PLCE1: variants seen among roughly 807,000 people sequenced by gnomAD.
PLCE1 encodes 1-phosphatidylinositol 4,5-bisphosphate phosphodiesterase epsilon-1.
In PLCE1, 119 loss-of-function variants were observed where a neutral mutation model predicts 242.8. That is an observed-to-expected ratio of 0.49 (90% CI 0.42 to 0.57). The LOEUF is 0.57. Among genes scored for constraint, PLCE1 ranks in the 20% least tolerant of loss-of-function variants. The probability of loss-of-function intolerance (pLI) is 0.00; values close to 1 mark genes in which losing one functional copy is unlikely to be tolerated. For synonymous variants in PLCE1, 945 were observed against 1,017.4 expected, an observed-to-expected ratio of 0.93 and a Z score of 1.35; for missense variants, 2,441 against 2,788.8, an observed-to-expected ratio of 0.88 and a Z score of 2.81.
intron 5 of PLCE1, 128 bp downstream of exon 5, chr10:94,227,579 T>C (rs2049991087): frequency 1.1e-6 from 1 of 910,698 alleles, no homozygotes; most frequent in African/African-American, 1.6e-5. Context: ...ACTTGGGAAA[T>C]GTATTATCTT....
Position 94,246,153 on chromosome 10 carries a change from C to G in PLCE1, c.2628C>G (p.Leu876=). 1 of 1,614,136 alleles carries G rather than the reference C, an allele frequency of 6.2e-7. No individual in the cohort carries two copies. The highest frequency in any genetic ancestry group is 2.2e-5 in the East Asian group (1 of 44,850). ...TCCACTACGACCAGGACACACACCT[C>G]TCTGCCCGCTGCTTCCTCCAGCTTC... ...TVIHYDQDTH[L]SARCFLQLQP... The change falls in exon 8 of 33, where the codon CTC becomes CTG. Residue 876 remains leucine (L), a synonymous_variant. Transcript: ENST00000371380.
chr10:94,309,029 T>C lies in PLCE1; in HGVS notation c.6003+330T>C, dbSNP rs1439201131. Among the ~76,000 whole-genome samples, 3 of 152,206 alleles carry C rather than the reference T, an allele frequency of 2.0e-5. No individual in the cohort carries two copies. The East Asian group carries it at 5.8e-4, about 29-fold the overall frequency. On this transcript the variant is annotated intron_variant, in intron 27 of 32. Coordinates refer to ENST00000371380, the MANE Select transcript of PLCE1 (RefSeq NM_016341.4). Reference sequence around the variant, plus strand: ...CAGTAACAAAGCCCATATATTACAGTGTCTATCAGGGAAGTAAGCCAAATA... The same window carrying C: ...CAGTAACAAAGCCCATATATTACAGCGTCTATCAGGGAAGTAAGCCAAATA...
chr10:94,215,070 C>CA (rs967217107), intron 4 of PLCE1, among the ~76,000 whole-genome samples: 2 of 152,112 alleles, frequency 1.3e-5, no homozygotes, highest in Admixed American at 6.6e-5. Context: ...AGTCATGGAC[C>CA]AAACTGCCCA....
intron 27 of PLCE1, 140 bp from the exon 28 acceptor site, chr10:94,313,114 C>G: frequency 1.1e-6 from 1 of 883,766 alleles, no homozygotes; most frequent in South Asian, 1.4e-5. Context: ...CCATTTGTAG[C>G]ACTAGGCTAC....
intron 4 of PLCE1, among the ~76,000 whole-genome samples, chr10:94,183,583 C>G (rs2048377521): frequency 6.6e-6 from 1 of 152,214 alleles, no homozygotes; most frequent in Admixed American, 6.5e-5. Flanking sequence ...GATTGATTTA[C>G]TCTTTCCTCA....
rs1003035178 is a variant in PLCE1, at chr10:94,100,368, T to C, written c.1207-31806T>C. On this transcript the variant is annotated intron_variant, in intron 2 of 32. Coordinates refer to ENST00000371380, the MANE Select transcript of PLCE1 (RefSeq NM_016341.4). ...ACAGAGTTAGGCTGCTAAAGTGACA[T>C]AGTGAAAATGTTCTCAAGGGTTCCC... 9 of 152,040 alleles carry C rather than the reference T, an allele frequency of 5.9e-5. No homozygotes were observed. In the East Asian group the frequency reaches 9.6e-4, roughly 16 times the overall value. 9.4% of individuals were successfully genotyped at this position (152,040 alleles called of 1,614,324 possible).
intron 2 of PLCE1, among the ~76,000 whole-genome samples, chr10:94,118,543 T>G (rs2046205470): frequency 6.6e-6 from 1 of 152,194 alleles, no homozygotes; most frequent in South Asian, 2.1e-4. Context: ...GTTCTCATGA[T>G]AGTGAATGGG....
chr10:94,010,218 G>T (rs1589849745), intron 1 of PLCE1, among the ~76,000 whole-genome samples: 1 of 152,328 alleles, frequency 6.6e-6, no homozygotes, highest in East Asian at 1.9e-4. Context: ...CTCAGAAGAG[G>T]CAGCCTGAGC....
At chr10:94,189,784 G>A (rs1274391424) in intron 4 of PLCE1, among the ~76,000 whole-genome samples, 1 of 152,170 alleles carries the variant, frequency 6.6e-6, no homozygotes, top group African/African-American at 2.4e-5. Context: ...TTCCAAGCGT[G>A]GCTTTCGGAA....
At chr10:94,265,527 A>G in intron 14 of PLCE1, 120 bp from the exon 15 acceptor site, 1 of 861,372 alleles carries the variant, frequency 1.2e-6, no homozygotes, top group South Asian at 1.4e-5. Context: ...ATTAGTTCAA[A>G]TATTTGGTTT....
At chr10:94,122,494 G>C (rs1190935362) in intron 2 of PLCE1, among the ~76,000 whole-genome samples, 3 of 152,216 alleles carry the variant, frequency 2.0e-5, no homozygotes, top group African/African-American at 7.2e-5. Flanking sequence ...TAAGCTGGAA[G>C]CATCACTTAC....
At chr10:94,264,967 C>T (rs1435739309) in intron 14 of PLCE1, among the ~76,000 whole-genome samples, 1 of 152,138 alleles carries the variant, frequency 6.6e-6, no homozygotes, top group Non-Finnish European at 1.5e-5. Flanking sequence ...GTCTCTAAAA[C>T]AAAATTTTAA....
At chr10:94,215,768 C>G (rs550742768) in intron 4 of PLCE1, among the ~76,000 whole-genome samples, 3 of 151,914 alleles carry the variant, frequency 2.0e-5, no homozygotes, top group African/African-American at 7.3e-5. Flanking sequence ...CGAGAAGGGC[C>G]GAGACAGAGC....
Position 94,308,665 on chromosome 10 carries a change from A to G in PLCE1, c.5969A>G (p.Glu1990Gly). 6.2e-7 allele frequency: 1 copy of G among 1,611,214 alleles called. No individual in the cohort carries two copies. Residue 1990 changes from glutamate to glycine, a missense_variant, in exon 27 of 33, where the codon GAA (glutamate) becomes GGA (glycine). Physicochemically the swap from Glu to Gly is moderately conservative, Grantham distance 98. Coordinates refer to ENST00000371380, the MANE Select transcript of PLCE1 (RefSeq NM_016341.4). ...SLFINSRRME[E>G]NSSGNTMSAS... ...TTCATTAACAGCAGAAGGATGGAAG[A>G]AAATTCCTCTGGCAATACCATGTCA...
chr10:94,258,234 A>G (rs1432342136), intron 11 of PLCE1, among the ~76,000 whole-genome samples: 1 of 152,122 alleles, frequency 6.6e-6, no homozygotes, highest in Non-Finnish European at 1.5e-5. Flanking sequence ...CAAAGTGCTG[A>G]GATTATAAGC....
intron 1 of PLCE1, among the ~76,000 whole-genome samples, chr10:94,007,980 C>T (rs981142467): frequency 6.7e-6 from 1 of 150,134 alleles, no homozygotes; most frequent in Non-Finnish European, 1.5e-5. Context: ...GAGTTCGAGG[C>T]CAGCATGGGC....
intron 1 of PLCE1, among the ~76,000 whole-genome samples, chr10:93,996,383 G>A (rs2060822000): frequency 6.6e-6 from 1 of 152,212 alleles, no homozygotes; most frequent in Non-Finnish European, 1.5e-5. Flanking sequence ...GAGCAAGTAG[G>A]GGTTTGGTTG....
At chr10:94,133,551 G>A (rs1036457353) in intron 3 of PLCE1, among the ~76,000 whole-genome samples, 1 of 152,172 alleles carries the variant, frequency 6.6e-6, no homozygotes, top group South Asian at 2.1e-4. Flanking sequence ...TGAGACCCAA[G>A]GCCAGCAGGC....
intron 5 of PLCE1, among the ~76,000 whole-genome samples, chr10:94,233,714 G>A (rs549727852): frequency 1.7e-4 from 26 of 152,256 alleles, no homozygotes; most frequent in African/African-American, 5.5e-4. Context: ...TTGAGAGGCC[G>A]AGGCAGGTGG....
Sources: allele counts gnomAD v4.1 joint callset (sites outside exome capture counted in the v4.1 genomes callset), GRCh38; gene constraint gnomAD v4.1.1; transcripts MANE v1.5; gene names NCBI Gene and HGNC (gene_info 2026-07-23, HGNC 2026-07-21).